Variants in PPFIA2 observed in about 807,000 individuals in gnomAD.
PPFIA2 encodes liprin-alpha-2.
A neutral mutation model predicts 175.5 loss-of-function variants in PPFIA2; 46 were observed. The ratio of observed to expected loss-of-function variants is 0.26; its 90% CI spans 0.21 to 0.34. The LOEUF (loss-of-function observed/expected upper bound fraction) is 0.34. PPFIA2 is among the 10% of genes least tolerant of loss of function. The pLI, the probability that PPFIA2 is intolerant of heterozygous loss-of-function variation, is 1.00. For synonymous variants in PPFIA2, 568 were observed against 511.4 expected, an observed-to-expected ratio of 1.11 and a Z score of -1.49; for missense variants, 1,179 against 1,506.1, an observed-to-expected ratio of 0.78 and a Z score of 3.60.
chr12:81,401,939 T>C (rs945967034), intron 8 of PPFIA2, among the ~76,000 whole-genome samples: 1 of 152,184 alleles, frequency 6.6e-6, no homozygotes, highest in Non-Finnish European at 1.5e-5. Flanking sequence ...CAGTTAAGTG[T>C]ATTTTTTCTT....
intron 4 of PPFIA2, among the ~76,000 whole-genome samples, chr12:81,513,394 T>C (rs1438074324): frequency 6.6e-6 from 1 of 152,144 alleles, no homozygotes; most frequent in East Asian, 1.9e-4. Context: ...GCAACCCCAC[T>C]ACTGGGTATC....
At chr12:81,457,561 T>C (rs1372677968) in intron 5 of PPFIA2, among the ~76,000 whole-genome samples, 1 of 152,218 alleles carries the variant, frequency 6.6e-6, no homozygotes, top group Non-Finnish European at 1.5e-5. Context: ...AGTGATTTAG[T>C]AGCTGTGACT....
At chr12:81,621,203 AG>A (rs1156461396) in intron 4 of PPFIA2, among the ~76,000 whole-genome samples, 2 of 152,194 alleles carry the variant, frequency 1.3e-5, no homozygotes, top group Non-Finnish European at 2.9e-5. Context: ...GGGCTCAAAG[AG>A]CATAACAGGC....
intron 4 of PPFIA2, among the ~76,000 whole-genome samples, chr12:81,671,215 A>C (rs1294478534): frequency 6.6e-6 from 1 of 151,890 alleles, no homozygotes; most frequent in Non-Finnish European, 1.5e-5. Context: ...GCCAAACCAG[A>C]AAGTTCCAAT....
intron 7 of PPFIA2, among the ~76,000 whole-genome samples, chr12:81,428,468 A>AT (rs921916626): frequency 4.6e-5 from 7 of 151,728 alleles, no homozygotes; most frequent in African/African-American, 1.7e-4. Context: ...AAACACCTTG[A>AT]TTTTTTTTGT....
intron 24 of PPFIA2, among the ~76,000 whole-genome samples, chr12:81,284,941 G>A (rs1014193369): frequency 1.3e-5 from 2 of 152,076 alleles, no homozygotes; most frequent in Admixed American, 6.6e-5. Flanking sequence ...TTAATAAAAT[G>A]TATTTTTTAG....
At chr12:81,531,044 T>C (rs890441637) in intron 4 of PPFIA2, among the ~76,000 whole-genome samples, 98 of 151,948 alleles carry the variant, frequency 6.4e-4, no homozygotes, top group Admixed American at 1.1e-3. Context: ...AATTTTTTAA[T>C]GTACTCTTAA....
At chr12:81,566,682 A>G (rs1333201409) in intron 4 of PPFIA2, among the ~76,000 whole-genome samples, 1 of 152,142 alleles carries the variant, frequency 6.6e-6, no homozygotes, top group Non-Finnish European at 1.5e-5. Flanking sequence ...AAGTTTCCGT[A>G]TTCACATTCT....
intron 4 of PPFIA2, among the ~76,000 whole-genome samples, chr12:81,519,928 A>G (rs1038730285): frequency 1.3e-5 from 2 of 152,228 alleles, no homozygotes; most frequent in African/African-American, 4.8e-5. Context: ...TAAATTAGAC[A>G]CAGTAGGAGA....
At chr12:81,363,069 A>T (rs1250808104) in intron 14 of PPFIA2, among the ~76,000 whole-genome samples, 1 of 151,542 alleles carries the variant, frequency 6.6e-6, no homozygotes, top group Non-Finnish European at 1.5e-5. Flanking sequence ...GATGTCACTT[A>T]AAAATGCAGA....
chr12:81,581,148 C>CTTT (rs5799542), intron 4 of PPFIA2, among the ~76,000 whole-genome samples: 6 of 139,596 alleles, frequency 4.3e-5, no homozygotes, highest in East Asian at 4.2e-4. Flanking sequence ...GTCATAGACA[C>CTTT]TTTTTTTTTT....
rs1380370413 is a variant in PPFIA2, at chr12:81,258,332, T to G, written c.*1362A>C. ...GTTATCATTACCTTTTGACTGAATC[T>G]GTTAAATAAAAATAGACATCAAAAC... On this transcript the variant is annotated 3_prime_UTR_variant, in exon 33 of 33. Coordinates refer to ENST00000549396, the MANE Select transcript of PPFIA2 (RefSeq NM_003625.5). The G allele has an allele frequency of 1.4e-4, 21 of 152,164 alleles. No homozygotes were observed. 9.4% of individuals were successfully genotyped at this position (152,164 alleles called of 1,614,324 possible).
rs146312440 is a variant in PPFIA2 at position 81,753,266 on chromosome 12, C to A, written c.249+707G>T. Among the ~76,000 whole-genome samples the A allele has an allele frequency of 1.8e-3, 273 of 152,142 alleles. 3 individuals carry two copies. The highest frequency in any genetic ancestry group is 2.5e-3 in the Non-Finnish European group (173 of 67,990). ...TTTCTTAAACAAGTAAATTGACTTT[C>A]ATCATTAACTTTGTATATAAATAGG... On this transcript the variant is annotated intron_variant, in intron 3 of 32. Coordinates refer to ENST00000549396, the MANE Select transcript of PPFIA2 (RefSeq NM_003625.5).
chr12:81,417,832 GT>G (rs2045578928), intron 7 of PPFIA2, among the ~76,000 whole-genome samples: 1 of 151,746 alleles, frequency 6.6e-6, no homozygotes, highest in Non-Finnish European at 1.5e-5. Context: ...ACAGAGAATA[GT>G]GATAATTCTA....
Position 81,308,583 on chromosome 12 carries a change from T to C in PPFIA2, c.2643-9201A>G, listed in dbSNP as rs2049942426. ...ATAATAGCACCTTCCTTATTGTAAGTGTAAAATAAAATAATGGTCCCCTAC... is the reference window on the plus strand; with the variant it reads ...ATAATAGCACCTTCCTTATTGTAAGCGTAAAATAAAATAATGGTCCCCTAC... On this transcript the variant is annotated intron_variant, in intron 22 of 32. Transcript: ENST00000549396. 2.0e-5 allele frequency among the ~76,000 whole-genome samples: 3 copies of C among 152,206 alleles called. No individual in the cohort carries two copies. The South Asian group carries it at 6.2e-4, about 32-fold the overall frequency.
intron 14 of PPFIA2, among the ~76,000 whole-genome samples, chr12:81,366,229 A>G (rs112172037): frequency 0.029 from 4,372 of 151,622 alleles, 191 homozygotes; most frequent in Admixed American, 0.12. Flanking sequence ...ATTGCTAACA[A>G]TAACTTTAAA....
chr12:81,426,958 T>A (rs1449752084), intron 7 of PPFIA2, among the ~76,000 whole-genome samples: 1 of 152,150 alleles, frequency 6.6e-6, no homozygotes, highest in Non-Finnish European at 1.5e-5. Context: ...TCTGGATGCT[T>A]TAATTAATCT....
intron 23 of PPFIA2, chr12:81,298,095 ACT>A (rs1233094926): frequency 1.3e-5 from 2 of 152,222 alleles, no homozygotes; most frequent in Non-Finnish European, 2.9e-5. Context: ...ATAGCAGCGA[ACT>A]CTCTGTCAAA....
intron 4 of PPFIA2, among the ~76,000 whole-genome samples, chr12:81,586,164 C>A (rs1330915508): frequency 6.6e-6 from 1 of 151,910 alleles, no homozygotes; most frequent in Non-Finnish European, 1.5e-5. Flanking sequence ...TAGAAAACAA[C>A]CAATAAATAC....
Sources: gnomAD v4.1 joint callset for allele counts (sites outside exome capture counted in the v4.1 genomes callset) on GRCh38, gnomAD v4.1.1 for gene constraint, MANE v1.5 for transcripts, NCBI Gene and HGNC (gene_info 2026-07-23, HGNC 2026-07-21) for gene names.